The following CCDC178 variants were observed in gnomAD, a reference collection of about 807,000 sequenced individuals.
CCDC178 encodes the protein coiled-coil domain containing 178, also known as coiled-coil domain-containing protein 178.
A neutral mutation model predicts 117.4 loss-of-function variants in CCDC178; 126 were observed. The observed-to-expected ratio is 1.07, with a 90% CI of 0.93 to 1.24. The LOEUF (loss-of-function observed/expected upper bound fraction) is 1.24, where lower values mean the gene tolerates loss of function less well. Ranked by LOEUF, CCDC178 falls within the 50% of genes most tolerant of loss-of-function variation. The probability of loss-of-function intolerance (pLI) is 0.00; values close to 1 mark genes in which losing one functional copy is unlikely to be tolerated. For missense variants in CCDC178, 1,030 were observed against 986.9 expected, an observed-to-expected ratio of 1.04 and a Z score of -0.59; for synonymous variants, 283 against 313.4, an observed-to-expected ratio of 0.90 and a Z score of 1.02.
chr18:33,333,247 T>G lies in CCDC178; in HGVS notation c.806A>C (p.His269Pro), dbSNP rs1028114574. 1 of 1,613,188 alleles carries G rather than the reference T, an allele frequency of 6.2e-7. No homozygotes were observed. Among genetic ancestry groups the G allele is most frequent in the Non-Finnish European group, 8.5e-7 (1 of 1,179,380 alleles). ...IQADIDYMNE[H>P]GPLLDSKQNQ... ...CTGCTTAGAGTCCAGTAGAGGGCCA[T>G]GTTCATTCATGTAGTCTATGTCTGC... Residue 269 changes from histidine to proline, a missense_variant, in exon 10 of 23, where the codon CAT becomes CCT. Physicochemically the swap from His to Pro is moderately conservative, Grantham distance 77. Coordinates refer to ENST00000383096, the MANE Select transcript of CCDC178 (RefSeq NM_001105528.4).
intron 9 of CCDC178, among the ~76,000 whole-genome samples, chr18:33,339,234 T>A (rs1243877536): frequency 1.3e-5 from 2 of 151,736 alleles, no homozygotes; most frequent in Non-Finnish European, 2.9e-5. Flanking sequence ...AAATAAGATA[T>A]GGGAAATCAG....
intron 2 of CCDC178, among the ~76,000 whole-genome samples, chr18:33,433,462 A>T (rs2064247636): frequency 6.6e-6 from 1 of 152,148 alleles, no homozygotes; most frequent in African/African-American, 2.4e-5. Context: ...GCCTTCAAAC[A>T]CTAAATTGAA....
chr18:33,333,255 C>A lies in CCDC178; in HGVS notation c.798G>T (p.Met266Ile), dbSNP rs1204194420. The A allele has an allele frequency of 6.2e-7, 1 of 1,613,056 alleles. No homozygotes were observed. Residue 266 changes from methionine (M) to isoleucine (I), a missense_variant, in exon 10 of 23, where the codon ATG (methionine) becomes ATT (isoleucine). Coordinates refer to ENST00000383096, the MANE Select transcript of CCDC178 (RefSeq NM_001105528.4). The part of the protein sequence containing the change: ...NAKIQADIDY[M>I]NEHGPLLDSK... ...AGTCCAGTAGAGGGCCATGTTCATT[C>A]ATGTAGTCTATGTCTGCTTGAATCT...
At chr18:32,989,400 A>G (rs1257778114) in intron 21 of CCDC178, among the ~76,000 whole-genome samples, 2 of 152,200 alleles carry the variant, frequency 1.3e-5, no homozygotes, top group East Asian at 3.8e-4. Flanking sequence ...GCATTTGAAA[A>G]AATTCAAGAC....
At chr18:33,138,619 T>C (rs1314335743) in intron 20 of CCDC178, among the ~76,000 whole-genome samples, 1 of 152,248 alleles carries the variant, frequency 6.6e-6, no homozygotes, top group Non-Finnish European at 1.5e-5. Context: ...TCTTTATTTC[T>C]TGCAAATTGT....
At chr18:33,064,584 G>A (rs2056979798) in intron 21 of CCDC178, among the ~76,000 whole-genome samples, 1 of 152,194 alleles carries the variant, frequency 6.6e-6, no homozygotes, top group Non-Finnish European at 1.5e-5. Context: ...ATGAGGATGT[G>A]TAGAAAGGAG....
chr18:32,960,371 T>G (rs1184516857), intron 22 of CCDC178, among the ~76,000 whole-genome samples: 1 of 152,032 alleles, frequency 6.6e-6, no homozygotes, highest in Non-Finnish European at 1.5e-5. Flanking sequence ...TGGAAACAAC[T>G]TTGAGGTGAA....
At chr18:33,135,814 C>T (rs900623372) in intron 20 of CCDC178, among the ~76,000 whole-genome samples, 3 of 152,096 alleles carry the variant, frequency 2.0e-5, no homozygotes, top group Non-Finnish European at 4.4e-5. Flanking sequence ...ACATTTACCC[C>T]GTGTGACAGA....
At chr18:33,087,600 G>A (rs1474041040) in intron 21 of CCDC178, among the ~76,000 whole-genome samples, 1 of 147,200 alleles carries the variant, frequency 6.8e-6, no homozygotes, top group Non-Finnish European at 1.5e-5. Context: ...GTGTGTGTGT[G>A]TGTTTGCATG....
chr18:32,969,217 C>CTAGTGGGTGAGAAGGCACAGACA (rs2054876142), intron 22 of CCDC178, among the ~76,000 whole-genome samples: 1 of 151,954 alleles, frequency 6.6e-6, no homozygotes, highest in Non-Finnish European at 1.5e-5. Flanking sequence ...GACTCACATA[C>CTAGTGGGTGAGAAGGCACAGACA]TAGTGGGTGA....
At chr18:33,054,189 A>T (rs1461885846) in intron 21 of CCDC178, among the ~76,000 whole-genome samples, 1 of 152,172 alleles carries the variant, frequency 6.6e-6, no homozygotes, top group African/African-American at 2.4e-5. Context: ...AACTGAGTTC[A>T]CTTCGCAATA....
chr18:33,267,424 A>G (rs2059832702), intron 12 of CCDC178, 127 bp from the exon 13 acceptor site: 1 of 542,918 alleles, frequency 1.8e-6, no homozygotes, highest in Admixed American at 3.7e-5. Context: ...AAACAATAGA[A>G]AATTCGGAAT....
At chr18:33,379,125 A>G (rs1478350368) in intron 5 of CCDC178, among the ~76,000 whole-genome samples, 1 of 6,784 alleles carries the variant, frequency 1.5e-4, no homozygotes, top group Non-Finnish European at 3.1e-3. Context: ...ATATATATAT[A>G]ATATATATAT....
intron 12 of CCDC178, among the ~76,000 whole-genome samples, chr18:33,287,121 A>G (rs911865494): frequency 2.0e-5 from 3 of 151,624 alleles, no homozygotes; most frequent in Non-Finnish European, 2.9e-5. Context: ...AGTGTATGTT[A>G]ATGAGGTAAA....
At chr18:33,297,436 T>G (rs1352255377) in intron 11 of CCDC178, among the ~76,000 whole-genome samples, 1 of 151,460 alleles carries the variant, frequency 6.6e-6, no homozygotes, top group Non-Finnish European at 1.5e-5. Context: ...TTAGGTAGAT[T>G]AACAAAGAAA....
intron 14 of CCDC178, among the ~76,000 whole-genome samples, chr18:33,261,116 C>T (rs1161906344): frequency 1.3e-5 from 2 of 151,926 alleles, no homozygotes; most frequent in Non-Finnish European, 2.9e-5. Flanking sequence ...CACAGTCTCG[C>T]TCTGTCGCCC....
chr18:33,210,680 A>G (rs988817603), intron 20 of CCDC178, among the ~76,000 whole-genome samples: 3 of 152,018 alleles, frequency 2.0e-5, no homozygotes, highest in African/African-American at 7.2e-5. Context: ...TGAGAGGTGC[A>G]TTGGAGTCTA....
intron 20 of CCDC178, among the ~76,000 whole-genome samples, chr18:33,205,261 T>C (rs796897164): frequency 4.0e-5 from 6 of 151,846 alleles, no homozygotes; most frequent in South Asian, 2.1e-4. Flanking sequence ...TAAGAGTGGG[T>C]TGAAAAAGCA....
chr18:33,428,647 G>A (rs1319379997), intron 2 of CCDC178, among the ~76,000 whole-genome samples: 2 of 147,048 alleles, frequency 1.4e-5, no homozygotes, highest in African/African-American at 5.1e-5. Flanking sequence ...CAGGAGAATC[G>A]CTTGAACCCA....
Sources: gnomAD v4.1 joint callset for allele counts (sites outside exome capture counted in the v4.1 genomes callset) on GRCh38, gnomAD v4.1.1 for gene constraint, MANE v1.5 for transcripts, NCBI Gene and HGNC (gene_info 2026-07-23, HGNC 2026-07-21) for gene names.